Variants in KIAA1217 observed in about 807,000 individuals in gnomAD.
KIAA1217 encodes the protein KIAA1217.
A neutral mutation model predicts 163.9 loss-of-function variants in KIAA1217; 88 were observed. The ratio of observed to expected loss-of-function variants is 0.54; its 90% CI spans 0.45 to 0.64. The LOEUF (loss-of-function observed/expected upper bound fraction) is 0.64. KIAA1217 is among the 30% of genes least tolerant of loss of function. The probability of loss-of-function intolerance (pLI) is 0.00; values close to 1 mark genes in which losing one functional copy is unlikely to be tolerated. For missense variants in KIAA1217, 2,372 were observed against 2,475.0 expected, an observed-to-expected ratio of 0.96 and a Z score of 0.88; for synonymous variants, 903 against 923.1, an observed-to-expected ratio of 0.98 and a Z score of 0.39.
chr10:24,221,854 C>T (rs1306975868), intron 2 of KIAA1217, among the ~76,000 whole-genome samples: 2 of 152,012 alleles, frequency 1.3e-5, no homozygotes, highest in Non-Finnish European at 2.9e-5. Flanking sequence ...GGTAACATAG[C>T]GAGACCCCAT....
intron 2 of KIAA1217, among the ~76,000 whole-genome samples, chr10:24,191,215 C>G (rs767261251): frequency 1.3e-5 from 2 of 152,028 alleles, no homozygotes; most frequent in Non-Finnish European, 2.9e-5. Flanking sequence ...TCACCTTGTA[C>G]CACATTGTCT....
intron 1 of KIAA1217, among the ~76,000 whole-genome samples, chr10:23,979,856 C>T (rs570733527): frequency 6.6e-6 from 1 of 151,982 alleles, no homozygotes; most frequent in Admixed American, 6.6e-5. Context: ...TTTTCTTTTC[C>T]TTTTTTTTCT....
chr10:24,163,290 G>A (rs1169767171), intron 2 of KIAA1217, among the ~76,000 whole-genome samples: 2 of 152,212 alleles, frequency 1.3e-5, no homozygotes, highest in African/African-American at 4.8e-5. Flanking sequence ...AAAATGCTCT[G>A]TGTCTTTGGA....
intron 2 of KIAA1217, among the ~76,000 whole-genome samples, chr10:24,232,869 A>T (rs2071609191): frequency 7.8e-6 from 1 of 127,472 alleles, no homozygotes; most frequent in South Asian, 2.6e-4. Context: ...TAATCCCAGC[A>T]CTTTGGGAGG....
chr10:24,337,878 C>A (rs922731789), intron 2 of KIAA1217, among the ~76,000 whole-genome samples: 1 of 152,008 alleles, frequency 6.6e-6, no homozygotes, highest in African/African-American at 2.4e-5. Context: ...CTCCTGACTG[C>A]GTGATCTACC....
chr10:23,837,965 C>G (rs1304706001), intron 1 of KIAA1217, among the ~76,000 whole-genome samples: 1 of 152,142 alleles, frequency 6.6e-6, no homozygotes, highest in Non-Finnish European at 1.5e-5. Flanking sequence ...GCCTGCATGA[C>G]CCATTCCTTC....
rs142233164 is a variant in KIAA1217, at chr10:24,513,355, G to A, written c.2098G>A (p.Val700Met). 13 of 1,614,076 alleles carry A rather than the reference G, an allele frequency of 8.1e-6. No individual in the cohort carries two copies. The highest frequency in any genetic ancestry group is 5.3e-5 in the African/African-American group (4 of 74,944). Residue 700 changes from valine to methionine, a missense_variant, in exon 10 of 21, where the codon GTG (valine) becomes ATG (methionine). Physicochemically the swap from Val to Met is conservative, Grantham distance 21. Transcript: ENST00000376454. ...AACAATGAAGAGACTGGAGGATCCC[G>A]TGCAGCGACAGCGCGTCCTAGTGGA... The part of the protein sequence containing the change: ...METMKRLEDP[V>M]QRQRVLVEQE...
At chr10:24,406,765 G>A (rs2057264757) in intron 3 of KIAA1217, among the ~76,000 whole-genome samples, 1 of 152,144 alleles carries the variant, frequency 6.6e-6, no homozygotes, top group Non-Finnish European at 1.5e-5. Context: ...GTGTATTATT[G>A]AACAATCCTA....
At chr10:24,243,816 GTGTA>G (rs996985455) in intron 2 of KIAA1217, among the ~76,000 whole-genome samples, 1 of 151,982 alleles carries the variant, frequency 6.6e-6, no homozygotes, top group Non-Finnish European at 1.5e-5. Context: ...ATATGAGTTT[GTGTA>G]TGTATATATA....
In KIAA1217 at chr10:24,354,818, G is replaced by A. The variant is rs970734823; in HGVS notation, c.355-26051G>A. On this transcript the variant is annotated intron_variant, in intron 2 of 20. Transcript: ENST00000376454. ...TGGGGTTTATATGGGTACAGGATAG[G>A]GAGGCATGGCAGACCAAAAGGCAAC... Among the ~76,000 whole-genome samples the A allele has an allele frequency of 6.7e-5, 9 of 134,028 alleles. No homozygotes were observed. The East Asian group carries it at 2.5e-3, about 37-fold the overall frequency. 87.9% of individuals were successfully genotyped at this position (134,028 alleles called of 152,430 possible).
At chr10:23,816,972 CT>C (rs1281999675) in intron 1 of KIAA1217, among the ~76,000 whole-genome samples, 4 of 152,192 alleles carry the variant, frequency 2.6e-5, no homozygotes, top group African/African-American at 9.7e-5. Flanking sequence ...GCTATCCCTG[CT>C]GCCAAGAATT....
chr10:23,698,092 AATTAC>A (rs1287475808), intron 1 of KIAA1217, among the ~76,000 whole-genome samples: 1 of 152,220 alleles, frequency 6.6e-6, no homozygotes, highest in African/African-American at 2.4e-5. Flanking sequence ...AGATTATTGT[AATTAC>A]ATGATTTAAT....
At chr10:24,461,912 A>T (rs1199111781) in intron 5 of KIAA1217, among the ~76,000 whole-genome samples, 2 of 152,044 alleles carry the variant, frequency 1.3e-5, no homozygotes, top group Non-Finnish European at 2.9e-5. Context: ...TGCATCTCTG[A>T]GGGGCATGGT....
intron 6 of KIAA1217, chr10:24,483,097 C>T (rs2064922725): frequency 6.6e-6 from 1 of 152,082 alleles, no homozygotes; most frequent in Admixed American, 6.5e-5. Context: ...CCTCTGTCTC[C>T]TTGTCCATCC....
chr10:24,449,840 A>T (rs1460509155), intron 5 of KIAA1217: 1 of 758,400 alleles, frequency 1.3e-6, no homozygotes, highest in Non-Finnish European at 1.6e-6. Context: ...ATCTTTCATT[A>T]ACTTGTCTTC....
chr10:24,501,347 CT>C (rs778462901), intron 8 of KIAA1217, 31 bp from the exon 9 acceptor site: 1 of 1,587,408 alleles, frequency 6.3e-7, no homozygotes, highest in Non-Finnish European at 8.6e-7. Context: ...CCTTTGTGGC[CT>C]TCTGAGTTCT....
At chr10:23,859,273 C>G (rs547469733) in intron 1 of KIAA1217, among the ~76,000 whole-genome samples, 2 of 152,256 alleles carry the variant, frequency 1.3e-5, no homozygotes, top group Non-Finnish European at 2.9e-5. Context: ...TCCTTTCCAG[C>G]CTTAATATTA....
intron 2 of KIAA1217, among the ~76,000 whole-genome samples, chr10:24,133,841 CTG>C (rs1313474326): frequency 6.6e-6 from 1 of 152,184 alleles, no homozygotes; most frequent in African/African-American, 2.4e-5. Context: ...TGAAATCAGA[CTG>C]TGTTTTGTAA....
chr10:23,895,456 C>G (rs1002735009), intron 1 of KIAA1217, among the ~76,000 whole-genome samples: 1 of 152,098 alleles, frequency 6.6e-6, no homozygotes, highest in Non-Finnish European at 1.5e-5. Flanking sequence ...CCATCTCACA[C>G]CAGTTAGAAT....
Sources: allele counts gnomAD v4.1 joint callset (sites outside exome capture counted in the v4.1 genomes callset), GRCh38; gene constraint gnomAD v4.1.1; transcripts MANE v1.5; gene names NCBI Gene and HGNC (gene_info 2026-07-23, HGNC 2026-07-21).